The following GKAP1 variants were observed in gnomAD, a reference collection of about 807,000 sequenced individuals.
GKAP1 encodes the protein G kinase-anchoring protein 1.
A neutral mutation model predicts 56.7 loss-of-function variants in GKAP1; 31 were observed. That is an observed-to-expected ratio of 0.55 (90% confidence interval 0.41 to 0.74). The LOEUF is 0.74. Among genes scored for constraint, GKAP1 ranks in the 30% least tolerant of loss-of-function variants. The pLI is 0.00. For synonymous variants in GKAP1, 151 were observed against 138.6 expected (o/e 1.09, Z -0.63); for missense variants, 364 against 402.3 (o/e 0.90, Z 0.82).
chr9:83,785,142 C>T (rs1944043004), intron 5 of GKAP1, among the ~76,000 whole-genome samples: 1 of 152,112 alleles, frequency 6.6e-6, no homozygotes, highest in South Asian at 2.1e-4. Context: ...TGCCTCATCC[C>T]ACTGAAATCT....
chr9:83,755,827 G>C (rs1433041044), intron 8 of GKAP1, among the ~76,000 whole-genome samples: 1 of 129,732 alleles, frequency 7.7e-6, no homozygotes, highest in Non-Finnish European at 1.6e-5. Context: ...TTTTTGAGAC[G>C]AAGTCTCGAT....
chr9:83,796,134 G>A (rs1422723299), intron 4 of GKAP1, among the ~76,000 whole-genome samples: 1 of 151,846 alleles, frequency 6.6e-6, no homozygotes, highest in African/African-American at 2.4e-5. Flanking sequence ...GTCTCACTAT[G>A]TTGCCCAGGC....
At position 83,741,293 on chromosome 9, in the gene GKAP1, T is replaced by C. The variant is rs528189242; in HGVS notation, c.1053+659A>G. ...GGCTTTTGAGATTTTTTGGCTATGATTCCAGTTAATGTATTTTATATTATG... is the reference window on the plus strand; with the variant it reads ...GGCTTTTGAGATTTTTTGGCTATGACTCCAGTTAATGTATTTTATATTATG... On this transcript the variant is annotated intron_variant, in intron 12 of 12. Coordinates refer to ENST00000376371, the MANE Select transcript of GKAP1 (RefSeq NM_025211.4). Among the ~76,000 whole-genome samples the C allele has an allele frequency of 3.3e-5, 5 of 152,002 alleles. No homozygotes were observed. In the South Asian group the frequency reaches 1.0e-3, roughly 31 times the overall value.
intron 2 of GKAP1, among the ~76,000 whole-genome samples, chr9:83,815,056 C>T (rs1944563185): frequency 6.6e-6 from 1 of 152,128 alleles, no homozygotes; most frequent in South Asian, 2.1e-4. Flanking sequence ...CCTGTAGTCC[C>T]AGCTACTCGG....
chr9:83,786,649 T>G (rs1944068959), intron 5 of GKAP1, among the ~76,000 whole-genome samples: 1 of 152,226 alleles, frequency 6.6e-6, no homozygotes, highest in African/African-American at 2.4e-5. Flanking sequence ...TATTAAAAGT[T>G]GTTTTATTGA....
intron 3 of GKAP1, among the ~76,000 whole-genome samples, chr9:83,802,172 C>G (rs1368453171): frequency 6.6e-6 from 1 of 152,054 alleles, no homozygotes; most frequent in Non-Finnish European, 1.5e-5. Context: ...GCCTTCCATA[C>G]AGTTTTTACT....
chr9:83,768,764 A>G, intron 8 of GKAP1, 54 bp downstream of exon 8: 1 of 1,498,222 alleles, frequency 6.7e-7, no homozygotes, highest in Non-Finnish European at 9.1e-7. Flanking sequence ...TTAAAAAATA[A>G]AAATTACATT....
chr9:83,745,695 T>A (rs1943281733), intron 10 of GKAP1, among the ~76,000 whole-genome samples: 1 of 152,202 alleles, frequency 6.6e-6, no homozygotes, highest in African/African-American at 2.4e-5. Flanking sequence ...TTTCATAACT[T>A]TGTTCATTAA....
chr9:83,746,744 T>C (rs1943302372), intron 10 of GKAP1, among the ~76,000 whole-genome samples: 3 of 152,130 alleles, frequency 2.0e-5, no homozygotes, highest in Admixed American at 2.0e-4. Flanking sequence ...ACCTCTAGAT[T>C]ACCTATAATA....
At chr9:83,812,635 C>T (rs997398930) in intron 2 of GKAP1, among the ~76,000 whole-genome samples, 3 of 150,226 alleles carry the variant, frequency 2.0e-5, no homozygotes, top group Admixed American at 1.3e-4. Context: ...CCACCATGCC[C>T]GGCTCTACAA....
intron 4 of GKAP1, among the ~76,000 whole-genome samples, chr9:83,797,231 C>T (rs1015558062): frequency 1.3e-5 from 2 of 152,152 alleles, no homozygotes; most frequent in Non-Finnish European, 1.5e-5. Flanking sequence ...ATTTCTCTTT[C>T]GTGTTTGACA....
intron 10 of GKAP1, among the ~76,000 whole-genome samples, chr9:83,747,883 C>T (rs1943320849): frequency 6.6e-6 from 1 of 152,110 alleles, no homozygotes; most frequent in African/African-American, 2.4e-5. Flanking sequence ...GTGATCTGCC[C>T]ACCTTGGCCT....
Position 83,767,212 on chromosome 9 carries a change from T to C in GKAP1, c.738+1606A>G, listed in dbSNP as rs374906845. 2.2e-4 allele frequency among the ~76,000 whole-genome samples: 34 copies of C among 152,284 alleles called. 1 individual carries two copies. The highest frequency in any genetic ancestry group is 7.9e-4 in the African/African-American group (33 of 41,574). ...CTTCCTGGTCCCATATATCCAGGAC[T>C]GGGGTATGAGGAGAGAAAGCATCTT... On this transcript the variant is annotated intron_variant, in intron 8 of 12. Coordinates refer to ENST00000376371, the MANE Select transcript of GKAP1 (RefSeq NM_025211.4).
chr9:83,808,515 T>C (rs1944468076), intron 2 of GKAP1, among the ~76,000 whole-genome samples: 1 of 152,116 alleles, frequency 6.6e-6, no homozygotes, highest in Non-Finnish European at 1.5e-5. Flanking sequence ...GAGAATCTCT[T>C]GAATCCAGGA....
chr9:83,779,547 ACG>A (rs1367935470), intron 7 of GKAP1, among the ~76,000 whole-genome samples: 2 of 99,160 alleles, frequency 2.0e-5, no homozygotes, highest in African/African-American at 3.0e-5. Flanking sequence ...ATATATATAC[ACG>A]TGTATATGTG....
chr9:83,753,736 C>T (rs1261440206), intron 8 of GKAP1, among the ~76,000 whole-genome samples: 1 of 152,064 alleles, frequency 6.6e-6, no homozygotes. Context: ...AAATAAATAG[C>T]TTTTCACTGT....
chr9:83,805,232 G>A (rs906725336), intron 3 of GKAP1, among the ~76,000 whole-genome samples: 3 of 152,126 alleles, frequency 2.0e-5, no homozygotes, highest in Non-Finnish European at 4.4e-5. Context: ...TAAGGGCGGT[G>A]CAAGATGTGC....
At chr9:83,772,490 G>T (rs936651480) in intron 7 of GKAP1, among the ~76,000 whole-genome samples, 6 of 152,074 alleles carry the variant, frequency 3.9e-5, no homozygotes, top group African/African-American at 1.4e-4. Context: ...CTTGTGTTAG[G>T]CAAAGATTTA....
chr9:83,767,013 T>G (rs1564195895), intron 8 of GKAP1, among the ~76,000 whole-genome samples: 1 of 152,192 alleles, frequency 6.6e-6, no homozygotes, highest in Non-Finnish European at 1.5e-5. Context: ...GGAGAATTGA[T>G]GGATTGGAGG....
Sources: gnomAD v4.1 joint callset for allele counts (sites outside exome capture counted in the v4.1 genomes callset) on GRCh38, gnomAD v4.1.1 for gene constraint, MANE v1.5 for transcripts, NCBI Gene and HGNC (gene_info 2026-07-23, HGNC 2026-07-21) for gene names.